The following SPIN1 variants were observed in gnomAD, a reference collection of about 807,000 sequenced individuals.
The protein encoded by SPIN1 is spindlin-1.
A neutral mutation model predicts 26.0 loss-of-function variants in SPIN1; 3 were observed. The observed-to-expected ratio is 0.12, with a 90% CI of 0.05 to 0.30. The LOEUF (loss-of-function observed/expected upper bound fraction) is 0.30. SPIN1 is among the 10% of genes least tolerant of loss of function. SPIN1 has a pLI of 1.00. For missense variants in SPIN1, 126 were observed against 333.4 expected, an observed-to-expected ratio of 0.38 and a Z score of 4.84; for synonymous variants, 101 against 116.5, an observed-to-expected ratio of 0.87 and a Z score of 0.86.
chr9:88,453,537 C>CT (rs562608694), intron 3 of SPIN1, among the ~76,000 whole-genome samples: 4,340 of 145,492 alleles, frequency 0.03, 152 homozygotes, highest in African/African-American at 0.088. Context: ...GGAATGGTAT[C>CT]TTTTTTTTTT....
chr9:88,441,329 G>A (rs1434807939), intron 2 of SPIN1, among the ~76,000 whole-genome samples: 3 of 151,198 alleles, frequency 2.0e-5, no homozygotes, highest in African/African-American at 7.4e-5. Flanking sequence ...CCAGTCCCCC[G>A]TAGATATGGA....
rs1011191589 is a variant in SPIN1 at position 88,475,379 on chromosome 9, C to T, written c.*102C>T. On this transcript the variant is annotated 3_prime_UTR_variant, in exon 6 of 6. Coordinates refer to ENST00000375859, the MANE Select transcript of SPIN1 (RefSeq NM_006717.3). ...CAGTTTAATGAAAGCTTAAATGTCC[C>T]TGCGAACCCACAATCTCTGCCAGCA... 4.2e-6 allele frequency: 5 copies of T among 1,198,648 alleles called. No individual in the cohort carries two copies. In the African/African-American group the frequency reaches 6.1e-5, roughly 15 times the overall value. The allele number at this position is 1,198,648 out of a possible 1,614,324, so 74.3% of individuals were successfully genotyped here. A position where few individuals can be genotyped will look rare whatever the true frequency, so the allele number is the denominator to read the frequency against.
At chr9:88,443,976 A>G (rs1212408725) in intron 2 of SPIN1, among the ~76,000 whole-genome samples, 1 of 151,886 alleles carries the variant, frequency 6.6e-6, no homozygotes, top group Non-Finnish European at 1.5e-5. Context: ...TTTTCTTACC[A>G]TGGCCCTGGT....
intron 3 of SPIN1, among the ~76,000 whole-genome samples, chr9:88,455,805 CT>C (rs1587810157): frequency 6.6e-6 from 1 of 152,124 alleles, no homozygotes; most frequent in Non-Finnish European, 1.5e-5. Context: ...TAGTGAGACC[CT>C]GTCTGTACAA....
At chr9:88,438,316 TTAGAAG>T (rs1452903483) in intron 2 of SPIN1, among the ~76,000 whole-genome samples, 1 of 152,196 alleles carries the variant, frequency 6.6e-6, no homozygotes, top group Admixed American at 6.5e-5. Flanking sequence ...ACCCATGTGC[TTAGAAG>T]TATGTTGTTC....
At chr9:88,461,936 ATAT>A (rs1433945196) in intron 3 of SPIN1, among the ~76,000 whole-genome samples, 1 of 152,236 alleles carries the variant, frequency 6.6e-6, no homozygotes, top group Non-Finnish European at 1.5e-5. Context: ...TAGTGCATTG[ATAT>A]AAGCTAGTCT....
chr9:88,434,384 A>C (rs985936812), intron 2 of SPIN1, among the ~76,000 whole-genome samples: 1 of 127,650 alleles, frequency 7.8e-6, no homozygotes, highest in African/African-American at 3.5e-5. Context: ...TTTATAAATT[A>C]TAAAATAGTT....
At chr9:88,388,973 G>A (rs992537998) in intron 1 of SPIN1, among the ~76,000 whole-genome samples, 1 of 145,138 alleles carries the variant, frequency 6.9e-6, no homozygotes, top group East Asian at 2.3e-4. Context: ...CGGGGAGGGG[G>A]AACGTTGCAT....
chr9:88,397,666 G>GGCT (rs2117886254), intron 1 of SPIN1, among the ~76,000 whole-genome samples: 1 of 151,704 alleles, frequency 6.6e-6, no homozygotes, highest in African/African-American at 2.4e-5. Flanking sequence ...CTGTCTCCCA[G>GGCT]GCTGGAGTGC....
chr9:88,424,009 C>T (rs1827720119), intron 1 of SPIN1, among the ~76,000 whole-genome samples: 1 of 152,166 alleles, frequency 6.6e-6, no homozygotes, highest in African/African-American at 2.4e-5. Flanking sequence ...CTCAAGTGAT[C>T]TGCCTACTTT....
Position 88,476,711 on chromosome 9 carries a change from G to T in SPIN1, c.*1434G>T, listed in dbSNP as rs1333286150. On this transcript the variant is annotated 3_prime_UTR_variant, in exon 6 of 6. Transcript: ENST00000375859. ...AATAGAACTGCTAGTGTGATTGGTT[G>T]ATCAGCAAAACAGCTGCTCTCATTT... 1 of 152,210 alleles carries T rather than the reference G, an allele frequency of 6.6e-6. No individual in the cohort carries two copies. The highest frequency in any genetic ancestry group is 2.4e-5 in the African/African-American group (1 of 41,454). 9.4% of individuals were successfully genotyped at this position (152,210 alleles called of 1,614,324 possible). A position where few individuals can be genotyped will look rare whatever the true frequency, so the allele number is the denominator to read the frequency against.
chr9:88,414,617 A>G lies in SPIN1; in HGVS notation c.-158-11765A>G, dbSNP rs143730718. 4.0e-3 allele frequency among the ~76,000 whole-genome samples: 605 copies of G among 152,318 alleles called. 2 individuals carry two copies. Among genetic ancestry groups the G allele is most frequent in the African/African-American group, 0.014 (587 of 41,578 alleles). On this transcript the variant is annotated intron_variant, in intron 1 of 5. Transcript: ENST00000375859. ...CTCTATCCTGGTGGCAAATCTAGTC[A>G]AGTGTCAGCTGATGAGTTTAAGTGG...
intron 1 of SPIN1, among the ~76,000 whole-genome samples, chr9:88,395,822 G>GCT (rs1175727703): frequency 6.6e-6 from 1 of 151,934 alleles, no homozygotes; most frequent in East Asian, 1.9e-4. Flanking sequence ...GCTGAGGTGG[G>GCT]CCGATCATGA....
intron 1 of SPIN1, among the ~76,000 whole-genome samples, chr9:88,419,795 G>A (rs1039756556): frequency 6.6e-6 from 1 of 152,142 alleles, no homozygotes; most frequent in Admixed American, 6.6e-5. Flanking sequence ...TCTGCACTGG[G>A]CCATGATAGA....
chr9:88,421,106 C>T (rs56860636), intron 1 of SPIN1, among the ~76,000 whole-genome samples: 4,000 of 148,514 alleles, frequency 0.027, 175 homozygotes, highest in African/African-American at 0.098. Context: ...TGTTTTCTTT[C>T]CCTGAATTAT....
intron 5 of SPIN1, among the ~76,000 whole-genome samples, chr9:88,471,031 A>C (rs1828772799): frequency 1.3e-5 from 2 of 152,100 alleles, no homozygotes; most frequent in African/African-American, 4.8e-5. Flanking sequence ...ATATGTTGCA[A>C]ATGTTTTCTC....
chr9:88,414,030 CAA>C (rs10635542), intron 1 of SPIN1, among the ~76,000 whole-genome samples: 7 of 141,688 alleles, frequency 4.9e-5, no homozygotes, highest in Non-Finnish European at 4.7e-5. Flanking sequence ...TTTATTATAG[CAA>C]AAAAAAAAAA....
chr9:88,457,993 GA>G, intron 3 of SPIN1: 2 of 984,944 alleles, frequency 2.0e-6, no homozygotes, highest in Non-Finnish European at 2.4e-6. Flanking sequence ...TTTTACTAAG[GA>G]TTTTTTCTTG....
intron 1 of SPIN1, among the ~76,000 whole-genome samples, chr9:88,395,921 C>G (rs572962949): frequency 1.3e-5 from 2 of 152,112 alleles, no homozygotes; most frequent in South Asian, 4.2e-4. Context: ...GTGGCGCGTG[C>G]CTGTAATCCC....
Sources: allele counts gnomAD v4.1 joint callset (sites outside exome capture counted in the v4.1 genomes callset), GRCh38; gene constraint gnomAD v4.1.1; transcripts MANE v1.5; gene names NCBI Gene and HGNC (gene_info 2026-07-23, HGNC 2026-07-21).